Variants in HDHD5 observed in about 807,000 individuals in gnomAD.
HDHD5 encodes the protein haloacid dehalogenase-like hydrolase domain-containing 5.
HDHD5 carries 34 observed loss-of-function variants against 35.5 expected under a neutral mutation model. The ratio of observed to expected loss-of-function variants is 0.96; its 90% confidence interval spans 0.73 to 1.28. The LOEUF is 1.28. Ranked by LOEUF, HDHD5 falls within the 50% of genes most tolerant of loss-of-function variation. HDHD5 has a pLI of 0.00. For synonymous variants in HDHD5, 248 were observed against 240.6 expected (o/e 1.03, Z -0.29); for missense variants, 589 against 560.2 (o/e 1.05, Z -0.52).
intron 6 of HDHD5, among the ~76,000 whole-genome samples, chr22:17,140,007 C>T (rs1456057301): frequency 2.0e-5 from 3 of 152,172 alleles, no homozygotes; most frequent in Non-Finnish European, 4.4e-5. Context: ...GTCAGCATAC[C>T]CGCCTCTAGG....
At position 17,138,294 on chromosome 22, in the gene HDHD5, C is replaced by T. The variant is rs1477284020; in HGVS notation, c.999G>A (p.Thr333=). The T allele has an allele frequency of 7.4e-6, 12 of 1,614,036 alleles. No individual in the cohort carries two copies. Among genetic ancestry groups the T allele is most frequent in the South Asian group, 5.5e-5 (5 of 91,088 alleles). The part of the protein sequence containing the change: ...NLFHQYLQKA[T]HDGAPELGAG... ...CCCCTAGTTCTGGCGCCCCATCATGCGTTGCCTTCTGCAGGTACTGGTGGA... is the reference window on the plus strand; with the variant it reads ...CCCCTAGTTCTGGCGCCCCATCATGTGTTGCCTTCTGCAGGTACTGGTGGA... Residue 333 remains threonine (T), a synonymous_variant, in exon 8 of 8, where the codon ACG becomes ACA. Coordinates refer to ENST00000336737, the MANE Select transcript of HDHD5 (RefSeq NM_033070.3).
At chr22:17,145,185 C>A (rs2061647850) in intron 3 of HDHD5, 68 bp from the exon 4 acceptor site, 1 of 1,596,908 alleles carries the variant, frequency 6.3e-7, no homozygotes, top group East Asian at 2.3e-5. Context: ...TGCATCAAAT[C>A]ACAAGTGAAG....
intron 1 of HDHD5, 46 bp downstream of exon 1, chr22:17,159,080 C>T (rs1476560815): frequency 4.1e-6 from 5 of 1,228,208 alleles, no homozygotes; most frequent in East Asian, 3.2e-5. Context: ...GCCCCGCCTC[C>T]GGCCCTGAGT....
chr22:17,149,882 G>A, intron 1 of HDHD5, 137 bp from the exon 2 acceptor site: 1 of 643,002 alleles, frequency 1.6e-6, no homozygotes, highest in Admixed American at 3.1e-5. Context: ...ATGAAGATGG[G>A]ATTCTGATAG....
chr22:17,146,410 C>T (rs1319635445), intron 3 of HDHD5, among the ~76,000 whole-genome samples: 1 of 149,384 alleles, frequency 6.7e-6, no homozygotes, highest in Admixed American at 6.6e-5. Context: ...CCATCGCACA[C>T]GCTCCACACC....
intron 2 of HDHD5, 147 bp downstream of exon 2, chr22:17,149,395 A>G: frequency 1.4e-6 from 1 of 722,036 alleles, no homozygotes; most frequent in East Asian, 2.5e-5. Flanking sequence ...CCAAATACAC[A>G]GGCAGGATTT....
chr22:17,151,044 G>C (rs1165090288), intron 1 of HDHD5, among the ~76,000 whole-genome samples: 1 of 152,142 alleles, frequency 6.6e-6, no homozygotes, highest in East Asian at 1.9e-4. Flanking sequence ...AAAAATAGGA[G>C]TAATAAATCA....
chr22:17,138,846 C>A (rs1393992959), intron 6 of HDHD5, 108 bp from the exon 7 acceptor site: 2 of 1,248,102 alleles, frequency 1.6e-6, no homozygotes, highest in Non-Finnish European at 1.1e-6. Context: ...GCCTTTTCCC[C>A]AGGGTAAGAG....
chr22:17,148,890 G>A (rs1473519777), intron 2 of HDHD5, among the ~76,000 whole-genome samples: 1 of 152,190 alleles, frequency 6.6e-6, no homozygotes, highest in Non-Finnish European at 1.5e-5. Flanking sequence ...TGTGCTCCCT[G>A]TCACTGTCGC....
rs546729598 is a variant in HDHD5 at position 17,138,134 on chromosome 22, C to T, written c.1159G>A (p.Gly387Arg). 21 of 1,614,166 alleles carry T rather than the reference C, an allele frequency of 1.3e-5. 1 individual carries two copies. Among genetic ancestry groups the T allele is most frequent in the Admixed American group, 1.0e-4 (6 of 60,018 alleles). Residue 387 changes from glycine (G) to arginine (R), a missense_variant, in exon 8 of 8, where the codon GGG becomes AGG. Coordinates refer to ENST00000336737, the MANE Select transcript of HDHD5 (RefSeq NM_033070.3). ...GGACTGAAGCATAAGTCTCGGTGCC[C>T]GTGGAATGGAGGCTCCCCTCCTCCA... ...VLGGGEPPFHGHRDLCFSPGL... is the reference protein window; with the variant it reads ...VLGGGEPPFHRHRDLCFSPGL...
intron 4 of HDHD5, chr22:17,143,707 G>T (rs192517916): frequency 6.6e-6 from 1 of 152,388 alleles, no homozygotes; most frequent in African/African-American, 2.4e-5. Flanking sequence ...CACAGGTCAG[G>T]GAGAAAGCCC....
In HDHD5 at chr22:17,137,989, A is replaced by G. The variant is rs1372316258; in HGVS notation, c.*32T>C. On this transcript the variant is annotated 3_prime_UTR_variant, in exon 8 of 8. Transcript: ENST00000336737. ...GCCAATGGGACTCGCCCACAGGTCC[A>G]GGCTCACCCCCTCACCTCCACCGCA... is the stretch of plus-strand genomic sequence containing the variant. The G allele has an allele frequency of 1.3e-6, 2 of 1,566,498 alleles. No homozygotes were observed. The highest frequency in any genetic ancestry group is 1.7e-6 in the Non-Finnish European group (2 of 1,147,112).
chr22:17,158,247 G>A (rs1158322637), intron 1 of HDHD5, among the ~76,000 whole-genome samples: 1 of 152,122 alleles, frequency 6.6e-6, no homozygotes, highest in Non-Finnish European at 1.5e-5. Flanking sequence ...CTTGAACCCG[G>A]GAGGCGGAGG....
Position 17,138,630 on chromosome 22 carries a change from G to T in HDHD5, c.855C>A (p.Tyr285Ter), listed in dbSNP as rs751919499. The change falls in exon 7 of 8, where the codon TAC becomes TAA. Residue 285 changes from tyrosine (Y) to a stop codon, truncating the protein, a stop_gained. Coordinates refer to ENST00000336737, the MANE Select transcript of HDHD5 (RefSeq NM_033070.3). LOFTEE classifies it high-confidence loss of function. Reference sequence around the variant, plus strand: ...GCCTGATCAGGTCCTCGGCATACTGGTAAGTGAGGATGCTGGGTTTGCCCA... The same window carrying T: ...GCCTGATCAGGTCCTCGGCATACTGTTAAGTGAGGATGCTGGGTTTGCCCA... The part of the protein sequence containing the change: ...GLMGKPSILT[Y>*]QYAEDLIRRQ... 2.5e-6 allele frequency: 4 copies of T among 1,614,220 alleles called. No individual in the cohort carries two copies. Among genetic ancestry groups the T allele is most frequent in the South Asian group, 2.2e-5 (2 of 91,082 alleles).
intron 1 of HDHD5, among the ~76,000 whole-genome samples, chr22:17,164,998 T>C (rs1237630728): frequency 6.6e-6 from 1 of 152,194 alleles, no homozygotes; most frequent in Non-Finnish European, 1.5e-5. Context: ...GAGGGTTTAC[T>C]GCTCACTGTC....
chr22:17,146,528 C>T lies in HDHD5; in HGVS notation c.444-1411G>A, dbSNP rs546118262. ...TTACCGGCCTTCAATCACACGTCATCGCACACGCCCCACACCTGTGACGCC... is the reference window on the plus strand; with the variant it reads ...TTACCGGCCTTCAATCACACGTCATTGCACACGCCCCACACCTGTGACGCC... On this transcript the variant is annotated intron_variant, in intron 3 of 7. Coordinates refer to ENST00000336737, the MANE Select transcript of HDHD5 (RefSeq NM_033070.3). Among the ~76,000 whole-genome samples, 5 of 134,048 alleles carry T rather than the reference C, an allele frequency of 3.7e-5. No homozygotes were observed. In the East Asian group the frequency reaches 1.2e-3, roughly 31 times the overall value. The allele number at this position is 134,048 out of a possible 152,430, so 87.9% of individuals were successfully genotyped here.
At chr22:17,138,879 C>T (rs2061567187) in intron 6 of HDHD5, 141 bp from the exon 7 acceptor site, 2 of 819,318 alleles carry the variant, frequency 2.4e-6, no homozygotes, top group South Asian at 3.4e-5. Flanking sequence ...AGACACTGTG[C>T]AGGCACTGGA....
chr22:17,140,958 G>T, intron 6 of HDHD5, 101 bp downstream of exon 6: 1 of 1,126,472 alleles, frequency 8.9e-7, no homozygotes, highest in Non-Finnish European at 1.2e-6. Context: ...TGAGGTCCCG[G>T]CACCTGGGGT....
At chr22:17,159,817 G>T, upstream of HDHD5, 1 of 280,378 alleles carries the variant, frequency 3.6e-6, no homozygotes, top group Non-Finnish European at 6.9e-6. Context: ...CGGAGAGGTA[G>T]AGGCACGAAT....
Sources: allele counts gnomAD v4.1 joint callset (sites outside exome capture counted in the v4.1 genomes callset), GRCh38; gene constraint gnomAD v4.1.1; transcripts MANE v1.5; gene names NCBI Gene and HGNC (gene_info 2026-07-23, HGNC 2026-07-21).